Variants in IL1RAPL2 observed in about 807,000 individuals in gnomAD.
IL1RAPL2 encodes the protein X-linked interleukin-1 receptor accessory protein-like 2.
A neutral mutation model predicts 44.1 loss-of-function variants in IL1RAPL2; 3 were observed. That is an observed-to-expected ratio of 0.07 (90% CI 0.03 to 0.18). The LOEUF is 0.18. IL1RAPL2 is among the 10% of genes least tolerant of loss of function. The probability of loss-of-function intolerance (pLI) is 1.00; values close to 1 mark genes in which losing one functional copy is unlikely to be tolerated. For missense variants in IL1RAPL2, 391 were observed against 496.4 expected, an observed-to-expected ratio of 0.79 and a Z score of 2.02; for synonymous variants, 181 against 178.8, an observed-to-expected ratio of 1.01 and a Z score of -0.10.
intron 2 of IL1RAPL2, among the ~76,000 whole-genome samples, chrX:105,176,487 G>A (rs905250502): frequency 9.1e-6 from 1 of 110,429 alleles, no homozygotes; most frequent in Admixed American, 9.6e-5. Context: ...TCCTGGCCCC[G>A]AGAAGCTTTC....
intron 2 of IL1RAPL2, among the ~76,000 whole-genome samples, chrX:105,076,828 GGTTTAAA>G (rs776240900): frequency 5.4e-5 from 6 of 110,864 alleles, no homozygotes; most frequent in Non-Finnish European, 1.1e-4. Context: ...GATCTTTGTT[GGTTTAAA>G]GTCTGTTTTA....
At chrX:104,826,417 G>A (rs1019752833) in intron 2 of IL1RAPL2, among the ~76,000 whole-genome samples, 3 of 111,927 alleles carry the variant, frequency 2.7e-5, no homozygotes, top group African/African-American at 9.7e-5. Flanking sequence ...AACTAGTTGT[G>A]TGGTGTTGAG....
chrX:104,634,637 G>A (rs1201053719), intron 1 of IL1RAPL2, among the ~76,000 whole-genome samples: 1 of 111,513 alleles, frequency 9.0e-6, no homozygotes, highest in Non-Finnish European at 1.9e-5. Context: ...TTGGTTTAAA[G>A]TTTGTTTTAT....
chrX:105,523,253 T>C (rs2036571893), intron 6 of IL1RAPL2, among the ~76,000 whole-genome samples: 1 of 111,730 alleles, frequency 9.0e-6, no homozygotes, highest in South Asian at 3.7e-4. Flanking sequence ...TAGTTAGCAT[T>C]GCAAGTTCTG....
intron 1 of IL1RAPL2, among the ~76,000 whole-genome samples, chrX:104,581,864 GA>G (rs976816900): frequency 9.1e-6 from 1 of 109,890 alleles, no homozygotes; most frequent in South Asian, 3.9e-4. Context: ...TTTTCTTTCA[GA>G]AAAAAAATTG....
rs933093441 is a variant in IL1RAPL2, at chrX:105,187,224, G to A, written c.83-8251G>A. 3.6e-5 allele frequency among the ~76,000 whole-genome samples: 4 copies of A among 112,222 alleles called. 1 individual carries two copies. In the Admixed American group the frequency reaches 3.8e-4, roughly 11 times the overall value. ...TACCATAAACTCTTAACCCTAATGT[G>A]AGCATTATAACTGTTTGATTATTTT... On this transcript the variant is annotated intron_variant, in intron 2 of 10. Coordinates refer to ENST00000372582, the MANE Select transcript of IL1RAPL2 (RefSeq NM_017416.2).
chrX:105,739,763 G>C (rs1184159386), intron 7 of IL1RAPL2, among the ~76,000 whole-genome samples: 84 of 99,485 alleles, frequency 8.4e-4, no homozygotes, highest in Middle Eastern at 0.01. Flanking sequence ...GGACATTTGG[G>C]TTGGTTCCAA....
intron 2 of IL1RAPL2, among the ~76,000 whole-genome samples, chrX:104,775,782 A>T (rs1932708895): frequency 9.0e-6 from 1 of 111,469 alleles, no homozygotes; most frequent in Non-Finnish European, 1.9e-5. Flanking sequence ...AATAGCAAAA[A>T]CATAACATGT....
intron 5 of IL1RAPL2, among the ~76,000 whole-genome samples, chrX:105,340,376 G>A (rs1440046337): frequency 8.9e-6 from 1 of 111,735 alleles, no homozygotes; most frequent in Non-Finnish European, 1.9e-5. Flanking sequence ...CCTGGTCTGA[G>A]CCATCATCAT....
At chrX:105,299,800 C>A (rs774691248) in intron 5 of IL1RAPL2, among the ~76,000 whole-genome samples, 1 of 112,002 alleles carries the variant, frequency 8.9e-6, no homozygotes, top group East Asian at 2.8e-4. Context: ...ATGCTTAACT[C>A]TAACTATATT....
intron 2 of IL1RAPL2, among the ~76,000 whole-genome samples, chrX:105,113,819 T>G (rs2032825420): frequency 8.9e-6 from 1 of 111,974 alleles, no homozygotes; most frequent in Non-Finnish European, 1.9e-5. Flanking sequence ...TGACTTCAGA[T>G]TTGAGGAATG....
chrX:104,695,719 G>T (rs1931170014), intron 2 of IL1RAPL2, among the ~76,000 whole-genome samples: 1 of 111,344 alleles, frequency 9.0e-6, no homozygotes, highest in African/African-American at 3.3e-5. Context: ...AGGGATTACT[G>T]TGTTTCAGGC....
chrX:104,946,124 G>A (rs1443835076), intron 2 of IL1RAPL2, among the ~76,000 whole-genome samples: 1 of 106,563 alleles, frequency 9.4e-6, no homozygotes, highest in Non-Finnish European at 1.9e-5. Context: ...TTTTTTCCCA[G>A]CACTTTGGGA....
intron 2 of IL1RAPL2, among the ~76,000 whole-genome samples, chrX:104,961,667 A>G (rs923289917): frequency 9.0e-6 from 1 of 111,703 alleles, no homozygotes. Flanking sequence ...AGAATATATG[A>G]TTATATTATA....
intron 1 of IL1RAPL2, among the ~76,000 whole-genome samples, chrX:104,614,127 C>G (rs1422612837): frequency 9.0e-6 from 1 of 111,104 alleles, no homozygotes; most frequent in Non-Finnish European, 1.9e-5. Context: ...TCTTGTTTAT[C>G]CTTTCAAAGA....
At chrX:105,740,403 C>A in intron 7 of IL1RAPL2, 143 bp from the exon 8 acceptor site, 3 of 464,695 alleles carry the variant, frequency 6.5e-6, no homozygotes, top group Non-Finnish European at 1.1e-5. Flanking sequence ...TGTAGAAGGT[C>A]CCACCCACAC....
intron 1 of IL1RAPL2, among the ~76,000 whole-genome samples, chrX:104,643,256 C>T (rs572614146): frequency 2.7e-5 from 3 of 111,026 alleles, no homozygotes; most frequent in East Asian, 2.8e-4. Context: ...TAGTATGATC[C>T]CAGGGTGTAG....
chrX:105,631,445 A>G (rs1329025157), intron 6 of IL1RAPL2, among the ~76,000 whole-genome samples: 1 of 112,152 alleles, frequency 8.9e-6, no homozygotes, highest in Non-Finnish European at 1.9e-5. Flanking sequence ...GAAAATGGAG[A>G]GAAATGGTGA....
intron 5 of IL1RAPL2, among the ~76,000 whole-genome samples, chrX:105,299,363 G>A (rs192150201): frequency 7.9e-4 from 88 of 111,095 alleles, no homozygotes; most frequent in African/African-American, 2.8e-3. Context: ...TCACTGAATG[G>A]GGAAATGGAA....
Sources: gnomAD v4.1 joint callset for allele counts (sites outside exome capture counted in the v4.1 genomes callset) on GRCh38, gnomAD v4.1.1 for gene constraint, MANE v1.5 for transcripts, NCBI Gene and HGNC (gene_info 2026-07-23, HGNC 2026-07-21) for gene names.